The following GLI3 variants were observed in gnomAD, a reference collection of about 807,000 sequenced individuals.
GLI3 encodes the protein transcription activator GLI3.
In GLI3, 20 loss-of-function variants were observed where a neutral mutation model predicts 100.8. The ratio of observed to expected loss-of-function variants is 0.20; its 90% confidence interval spans 0.14 to 0.29. The LOEUF is 0.29. Ranked by LOEUF, GLI3 falls within the 10% of genes least tolerant of loss-of-function variation. The pLI is 1.00. For synonymous variants in GLI3, 938 were observed against 860.5 expected (o/e 1.09, Z -1.58); for missense variants, 2,040 against 2,128.5 (o/e 0.96, Z 0.82).
chr7:42,203,996 T>A (rs1278411921), intron 2 of GLI3, among the ~76,000 whole-genome samples: 1 of 151,952 alleles, frequency 6.6e-6, no homozygotes, highest in East Asian at 1.9e-4. Context: ...CATCTCAAAA[T>A]ATATATATAT....
intron 4 of GLI3, among the ~76,000 whole-genome samples, chr7:42,073,887 T>C (rs902954601): frequency 1.3e-5 from 2 of 152,212 alleles, no homozygotes; most frequent in Non-Finnish European, 2.9e-5. Context: ...CAGTTTGGAA[T>C]TCAAGTTTTG....
intron 4 of GLI3, among the ~76,000 whole-genome samples, chr7:42,076,550 T>A (rs908613762): frequency 2.0e-5 from 3 of 152,182 alleles, no homozygotes; most frequent in African/African-American, 7.2e-5. Flanking sequence ...GGCGACCTAG[T>A]GTGACAGGCA....
intron 9 of GLI3, 119 bp downstream of exon 9, chr7:42,025,145 G>A: frequency 1.4e-6 from 1 of 711,788 alleles, no homozygotes; most frequent in Non-Finnish European, 2.5e-6. Context: ...GGTCAACAAT[G>A]CAGTGGACAA....
intron 2 of GLI3, among the ~76,000 whole-genome samples, chr7:42,164,625 T>C (rs1787201314): frequency 6.6e-6 from 1 of 151,096 alleles, no homozygotes; most frequent in South Asian, 2.1e-4. Context: ...GGTCAGGAGA[T>C]CGAGACCATC....
At position 41,964,230 on chromosome 7, in the gene GLI3, T is replaced by A; in HGVS notation, c.*100A>T. The stretch of plus-strand genomic sequence containing the variant: ...TCTCAGTTAGGTGAGATGAGATTGC[T>A]AAAATACATACAGAACTAAAAAAAC... On this transcript the variant is annotated 3_prime_UTR_variant, in exon 15 of 15. Coordinates refer to ENST00000395925, the MANE Select transcript of GLI3 (RefSeq NM_000168.6). 1.0e-6 allele frequency: 1 copy of A among 987,098 alleles called. No homozygotes were observed. The highest frequency in any genetic ancestry group is 2.5e-5 in the East Asian group (1 of 40,294). The allele number at this position is 987,098 out of a possible 1,614,324, so 61.1% of individuals were successfully genotyped here. A position where few individuals can be genotyped will look rare whatever the true frequency, so the allele number is the denominator to read the frequency against.
chr7:42,012,106 C>T (rs1562684520), intron 10 of GLI3, among the ~76,000 whole-genome samples: 1 of 151,994 alleles, frequency 6.6e-6, no homozygotes, highest in East Asian at 1.9e-4. Context: ...AAATTACGGC[C>T]AGGGGAAAAA....
At chr7:42,026,048 T>C (rs896850856) in intron 8 of GLI3, 151 bp downstream of exon 8, 1 of 659,634 alleles carries the variant, frequency 1.5e-6, no homozygotes, top group Non-Finnish European at 2.7e-6. Context: ...CCACCAAAAC[T>C]GAAGACTAGA....
chr7:42,230,674 ACAT>A (rs1392616399), intron 1 of GLI3, among the ~76,000 whole-genome samples: 2 of 152,248 alleles, frequency 1.3e-5, no homozygotes, highest in Non-Finnish European at 2.9e-5. Flanking sequence ...TTGATGAGAA[ACAT>A]TTGAGGGGAG....
At chr7:42,170,623 C>G in intron 2 of GLI3, among the ~76,000 whole-genome samples, 1 of 151,846 alleles carries the variant, frequency 6.6e-6, no homozygotes, top group Non-Finnish European at 1.5e-5. Context: ...AGGATGGTCT[C>G]GACCTCCTGA....
chr7:42,040,252 CA>C lies in GLI3; in HGVS notation c.827-14del. The C allele has an allele frequency of 1.3e-6, 2 of 1,597,656 alleles. No homozygotes were observed. Among genetic ancestry groups the C allele is most frequent in the Non-Finnish European group, 1.7e-6 (2 of 1,165,338 alleles). ...GAGAATCTGGTGCCTGTTATATAAA[CA>C]AAAAAGAACCTAATTACCTGCAGTT... On this transcript the variant is annotated splice_polypyrimidine_tract_variant and intron_variant, in intron 6 of 14. Transcript: ENST00000395925.
intron 10 of GLI3, among the ~76,000 whole-genome samples, chr7:41,998,021 AT>A (rs1458271287): frequency 6.6e-6 from 1 of 151,884 alleles, no homozygotes; most frequent in Non-Finnish European, 1.5e-5. Context: ...AAATTTTTTA[AT>A]TTAAATTTTA....
At chr7:42,255,462 A>G (rs558009891) in intron 1 of GLI3, among the ~76,000 whole-genome samples, 3 of 152,272 alleles carry the variant, frequency 2.0e-5, no homozygotes, top group South Asian at 4.2e-4. Flanking sequence ...AAAATCCCTC[A>G]TGTCTGCGTG....
At chr7:42,132,249 C>A (rs12701945) in intron 3 of GLI3, among the ~76,000 whole-genome samples, 1 of 74,612 alleles carries the variant, frequency 1.3e-5, no homozygotes, top group Non-Finnish European at 2.5e-5. Context: ...TACAGGCGCC[C>A]GCCACTACGC....
chr7:42,182,639 T>C (rs1446392773), intron 2 of GLI3, among the ~76,000 whole-genome samples: 1 of 63,304 alleles, frequency 1.6e-5, no homozygotes, highest in Non-Finnish European at 2.9e-5. Context: ...TATGTATATG[T>C]GTGTGTATAT....
At chr7:42,253,010 G>A (rs897515375) in intron 1 of GLI3, among the ~76,000 whole-genome samples, 18 of 148,324 alleles carry the variant, frequency 1.2e-4, no homozygotes, top group African/African-American at 3.7e-4. Context: ...AGGTGGAAAC[G>A]AGAAAGGATT....
chr7:42,262,449 A>G (rs955420877), intron 1 of GLI3, among the ~76,000 whole-genome samples: 3 of 152,066 alleles, frequency 2.0e-5, no homozygotes, highest in African/African-American at 7.2e-5. Flanking sequence ...TTGTAGAGAT[A>G]GGGTATAACC....
chr7:42,170,569 A>G (rs1360581161), intron 2 of GLI3, among the ~76,000 whole-genome samples: 1 of 151,294 alleles, frequency 6.6e-6, no homozygotes, highest in East Asian at 2.0e-4. Flanking sequence ...CACCCAGCCA[A>G]TTTTTTGTAT....
At chr7:42,025,459 C>T (rs576397695) in intron 8 of GLI3, 82 bp from the exon 9 acceptor site, 542 of 955,118 alleles carry the variant, frequency 5.7e-4, no homozygotes, top group Admixed American at 2.9e-3. Flanking sequence ...CTTGCCAACT[C>T]GGGACAAGCG....
rs1788653476 is a variant in GLI3, at chr7:42,229,531, T to A, written c.-42-6236A>T. 2.0e-5 allele frequency among the ~76,000 whole-genome samples: 3 copies of A among 152,336 alleles called. No homozygotes were observed. In the South Asian group the frequency reaches 6.2e-4, roughly 32 times the overall value. On this transcript the variant is annotated intron_variant, in intron 1 of 14. Transcript: ENST00000395925. ...TGTATTTTCATAAGCTGAATAATCT[T>A]GATTTGCTGTTTTAAATATCCAGAA...
Sources: gnomAD v4.1 joint callset for allele counts (sites outside exome capture counted in the v4.1 genomes callset) on GRCh38, gnomAD v4.1.1 for gene constraint, MANE v1.5 for transcripts, NCBI Gene and HGNC (gene_info 2026-07-23, HGNC 2026-07-21) for gene names.